Variants in DRC7 observed in about 807,000 individuals in gnomAD.
DRC7 encodes the protein coiled-coil domain containing 135.
A neutral mutation model predicts 104.4 loss-of-function variants in DRC7; 80 were observed. The observed-to-expected ratio is 0.77, with a 90% CI of 0.64 to 0.92. The LOEUF is 0.92. Among genes scored for constraint, DRC7 ranks in the 40% least tolerant of loss-of-function variants. The pLI is 0.00. For synonymous variants in DRC7, 405 were observed against 447.3 expected (o/e 0.91, Z 1.19); for missense variants, 1,034 against 1,141.1 (o/e 0.91, Z 1.35).
rs751374350 is a variant in DRC7, at chr16:57,728,504, C to A, written c.2311C>A (p.Arg771Ser). The A allele has an allele frequency of 5.6e-6, 9 of 1,612,180 alleles. No individual in the cohort carries two copies. Among genetic ancestry groups the A allele is most frequent in the Non-Finnish European group, 7.6e-6 (9 of 1,179,702 alleles). Residue 771 changes from arginine to serine, a missense_variant, in exon 17 of 19, where the codon CGC becomes AGC. Transcript: ENST00000360716. The stretch of plus-strand genomic sequence containing the variant: ...GAAACTAACATGCTGGCAGGCGGTG[C>A]GCCTCAAGGATGAGTGCCTCAGCGA... ...GEKLTCWQAV[R>S]LKDECLSDFK...
At chr16:57,700,476 G>T (rs553956719) in intron 5 of DRC7, among the ~76,000 whole-genome samples, 184 of 152,070 alleles carry the variant, frequency 1.2e-3, no homozygotes, top group Middle Eastern at 3.4e-3. Context: ...GCGAAACCCC[G>T]TCTCTACTAA....
chr16:57,705,284 T>G (rs1455881639), intron 7 of DRC7, among the ~76,000 whole-genome samples: 1 of 152,060 alleles, frequency 6.6e-6, no homozygotes, highest in Admixed American at 6.5e-5. Context: ...TAGGCAGCTC[T>G]GGTGTCCTCT....
At chr16:57,701,753 T>C (rs1377767616) in intron 5 of DRC7, 183 bp from the exon 6 acceptor site, 1 of 577,794 alleles carries the variant, frequency 1.7e-6, no homozygotes, top group African/African-American at 1.9e-5. Flanking sequence ...AATGGCATGG[T>C]GTCTGGTTGT....
Position 57,707,630 on chromosome 16 carries a change from C to T in DRC7, c.1029C>T (p.Asn343=). 1 of 1,613,538 alleles carries T rather than the reference C, an allele frequency of 6.2e-7. No individual in the cohort carries two copies. Among genetic ancestry groups the T allele is most frequent in the South Asian group, 1.1e-5 (1 of 91,080 alleles). Residue 343 remains asparagine (N), a synonymous_variant, in exon 8 of 19, where the codon AAC becomes AAT. Transcript: ENST00000360716. ...TCCTGGGCATCGAAAGCCTGTGGAACCACAAGAACTACTGGATCAACATGC... is the reference window on the plus strand; with the variant it reads ...TCCTGGGCATCGAAAGCCTGTGGAATCACAAGAACTACTGGATCAACATGC... ...EHFLGIESLW[N]HKNYWINMQD...
In DRC7 at chr16:57,707,789, G is replaced by A. The variant is rs912268684; in HGVS notation, c.1077+111G>A. ...GGGAGAGCGAGACACCAGGCCACGA[G>A]GGCTTTGAACCTTCTCCATAGCTGC... On this transcript the variant is annotated intron_variant, in intron 8 of 18. Transcript: ENST00000360716. 4 of 951,642 alleles carry A rather than the reference G, an allele frequency of 4.2e-6. No individual in the cohort carries two copies. In the Admixed American group the frequency reaches 8.0e-5, roughly 19 times the overall value. The allele number at this position is 951,642 out of a possible 1,614,324, so 58.9% of individuals were successfully genotyped here. A position where few individuals can be genotyped will look rare whatever the true frequency, so the allele number is the denominator to read the frequency against.
intron 9 of DRC7, among the ~76,000 whole-genome samples, chr16:57,721,015 C>T (rs371882367): frequency 7.6e-4 from 115 of 151,954 alleles, no homozygotes; most frequent in African/African-American, 2.5e-3. Context: ...CTGGGCAACA[C>T]GGTGAGACAC....
At chr16:57,718,607 G>T in intron 9 of DRC7, 132 bp downstream of exon 9, 1 of 1,134,532 alleles carries the variant, frequency 8.8e-7, no homozygotes. Flanking sequence ...CCTCAAAGCA[G>T]GAAGGCTTGA....
intron 5 of DRC7, 44 bp from the exon 6 acceptor site, chr16:57,701,892 G>A (rs2048661878): frequency 6.4e-7 from 1 of 1,556,500 alleles, no homozygotes; most frequent in Non-Finnish European, 8.8e-7. Context: ...GGACAGGCTG[G>A]GGCAGCGGGG....
chr16:57,731,358 C>A lies in DRC7; in HGVS notation c.*100C>A. 1.1e-6 allele frequency: 1 copy of A among 898,242 alleles called. No individual in the cohort carries two copies. Among genetic ancestry groups the A allele is most frequent in the Non-Finnish European group, 1.8e-6 (1 of 567,936 alleles). The allele number at this position is 898,242 out of a possible 1,614,324, so 55.6% of individuals were successfully genotyped here. A position where few individuals can be genotyped will look rare whatever the true frequency, so the allele number is the denominator to read the frequency against. ...TCTATCCAGCCAATGCCTGTTTACA[C>A]AGACACCTGGCCTCACTGCCAGCCC... On this transcript the variant is annotated 3_prime_UTR_variant, in exon 19 of 19. Transcript: ENST00000360716.
chr16:57,701,756 C>G, intron 5 of DRC7, 180 bp from the exon 6 acceptor site: 1 of 585,294 alleles, frequency 1.7e-6, no homozygotes. Flanking sequence ...GGCATGGTGT[C>G]TGGTTGTCAT....
intron 12 of DRC7, among the ~76,000 whole-genome samples, chr16:57,723,454 C>T (rs1279997994): frequency 2.0e-5 from 3 of 152,156 alleles, no homozygotes; most frequent in African/African-American, 2.4e-5. Flanking sequence ...GAGGCAGTGC[C>T]GGACACAGGG....
intron 6 of DRC7, among the ~76,000 whole-genome samples, chr16:57,702,446 A>G (rs532783446): frequency 1.3e-5 from 2 of 152,306 alleles, no homozygotes; most frequent in African/African-American, 4.8e-5. Flanking sequence ...TTATATCTTA[A>G]GTCAAACGAT....
chr16:57,711,723 C>T (rs1385685706), intron 8 of DRC7, among the ~76,000 whole-genome samples: 2 of 152,204 alleles, frequency 1.3e-5, no homozygotes, highest in East Asian at 1.9e-4. Flanking sequence ...CCAGAGCATT[C>T]GTGCATTCAG....
intron 8 of DRC7, among the ~76,000 whole-genome samples, chr16:57,709,763 A>G (rs1412141393): frequency 6.6e-6 from 1 of 151,898 alleles, no homozygotes; most frequent in African/African-American, 2.4e-5. Context: ...TTTTTTCATC[A>G]CCCCAAAAGA....
At chr16:57,707,725 G>T in intron 8 of DRC7, 47 bp downstream of exon 8, 1 of 1,553,418 alleles carries the variant, frequency 6.4e-7, no homozygotes, top group South Asian at 1.1e-5. Flanking sequence ...CACAGTGCAG[G>T]TGATAGGAAT....
At chr16:57,712,966 T>C (rs2048804667) in intron 8 of DRC7, among the ~76,000 whole-genome samples, 1 of 152,260 alleles carries the variant, frequency 6.6e-6, no homozygotes, top group Non-Finnish European at 1.5e-5. Context: ...AATTTCTCCT[T>C]TAATTCATGG....
chr16:57,730,161 A>ATGGG (rs373396748), intron 17 of DRC7, among the ~76,000 whole-genome samples: 5 of 112,572 alleles, frequency 4.4e-5, no homozygotes, highest in Admixed American at 9.0e-5. Flanking sequence ...GGATGGATGG[A>ATGGG]TGAGTAGGTG....
At chr16:57,718,945 T>C (rs2148761103) in intron 9 of DRC7, among the ~76,000 whole-genome samples, 1 of 152,018 alleles carries the variant, frequency 6.6e-6, no homozygotes. Context: ...GCCATGTTCA[T>C]GCCACTGCAT....
Position 57,707,464 on chromosome 16 carries a change from C to G in DRC7, c.863C>G (p.Ala288Gly). Reference sequence around the variant, plus strand: ...TCACCCACCTTTCCTTGGCAGGAAGCGGAGAAGGCAAAGCCGGATGCCCTG... The same window carrying G: ...TCACCCACCTTTCCTTGGCAGGAAGGGGAGAAGGCAAAGCCGGATGCCCTG... ...LREEEERLME[A>G]EKAKPDALHG... Residue 288 changes from alanine to glycine, a missense_variant, in exon 8 of 19, where the codon GCG (alanine) becomes GGG (glycine). Physicochemically the swap from Ala to Gly is moderately conservative, Grantham distance 60. Coordinates refer to ENST00000360716, the MANE Select transcript of DRC7 (RefSeq NM_001289162.2). 1.9e-6 allele frequency: 3 copies of G among 1,610,510 alleles called. No homozygotes were observed. Among genetic ancestry groups the G allele is most frequent in the Non-Finnish European group, 1.7e-6 (2 of 1,178,230 alleles).
Sources: gnomAD v4.1 joint callset for allele counts (sites outside exome capture counted in the v4.1 genomes callset) on GRCh38, gnomAD v4.1.1 for gene constraint, MANE v1.5 for transcripts, NCBI Gene and HGNC (gene_info 2026-07-23, HGNC 2026-07-21) for gene names.